The following RP2 variants were observed in gnomAD, a reference collection of about 807,000 sequenced individuals.
RP2 encodes protein XRP2.
Under a neutral mutation model 20.3 loss-of-function variants are expected in RP2, and 3 were observed. That is an observed-to-expected ratio of 0.15 (90% CI 0.07 to 0.38). RP2 has a LOEUF of 0.38. Ranked by LOEUF, RP2 falls within the 10% of genes least tolerant of loss-of-function variation. RP2 has a pLI of 1.00. For synonymous variants in RP2, 75 were observed against 94.8 expected (o/e 0.79, Z 1.22); for missense variants, 233 against 268.5 (o/e 0.87, Z 0.92).
intron 2 of RP2, among the ~76,000 whole-genome samples, chrX:46,857,731 A>G (rs1556319470): frequency 8.9e-6 from 1 of 112,165 alleles, no homozygotes; most frequent in East Asian, 2.8e-4. Flanking sequence ...TTTTCATGAA[A>G]AGGAGTCTCT....
chrX:46,850,188 C>T (rs1556317865), intron 1 of RP2, among the ~76,000 whole-genome samples: 1 of 112,420 alleles, frequency 8.9e-6, no homozygotes, highest in Non-Finnish European at 1.9e-5. Context: ...GGCTTACAGA[C>T]AGCTGCCTTC....
intron 3 of RP2, among the ~76,000 whole-genome samples, chrX:46,867,132 G>A (rs1036733622): frequency 1.6e-4 from 18 of 109,402 alleles, no homozygotes; most frequent in African/African-American, 6.0e-4. Context: ...AAGGAGTCTC[G>A]CTCTGTTGCC....
At chrX:46,859,519 A>G (rs1375400442) in intron 2 of RP2, among the ~76,000 whole-genome samples, 2 of 110,399 alleles carry the variant, frequency 1.8e-5, no homozygotes, top group African/African-American at 6.6e-5. Context: ...AAAAATAAAC[A>G]AATAAAAGTA....
chrX:46,856,015 T>TA (rs1240955463), intron 2 of RP2, among the ~76,000 whole-genome samples: 1 of 111,876 alleles, frequency 8.9e-6, no homozygotes, highest in Non-Finnish European at 1.9e-5. Context: ...GCCTATGTGA[T>TA]AAAAACATTC....
chrX:46,837,461 T>G (rs1924536171), intron 1 of RP2, among the ~76,000 whole-genome samples: 1 of 111,603 alleles, frequency 9.0e-6, no homozygotes, highest in South Asian at 3.7e-4. Flanking sequence ...CCCGGGAGCT[T>G]TCTCTGACTC....
intron 3 of RP2, among the ~76,000 whole-genome samples, chrX:46,869,319 A>G (rs1396363884): frequency 1.9e-5 from 2 of 106,277 alleles, no homozygotes; most frequent in Non-Finnish European, 3.9e-5. Flanking sequence ...TTTTTTTAAG[A>G]CGGAGTTTTG....
At chrX:46,837,639 C>CG (rs1410015631) in intron 1 of RP2, among the ~76,000 whole-genome samples, 2 of 111,835 alleles carry the variant, frequency 1.8e-5, no homozygotes, top group African/African-American at 3.2e-5. Flanking sequence ...TCATCTCTTC[C>CG]GGGGCTTAAT....
rs904620251 is a variant in RP2 at position 46,854,904 on chromosome X, A to G, written c.768+763A>G. 7.2e-5 allele frequency among the ~76,000 whole-genome samples: 8 copies of G among 110,390 alleles called. No homozygotes were observed. The Admixed American group carries it at 7.8e-4, about 11-fold the overall frequency. Reference sequence around the variant, plus strand: ...CTCAGCCTCCCAAGTAGCTGGAACTATAGGTGGGCGCCACCACACCCAGCT... The same window carrying G: ...CTCAGCCTCCCAAGTAGCTGGAACTGTAGGTGGGCGCCACCACACCCAGCT... On this transcript the variant is annotated intron_variant, in intron 2 of 4. Coordinates refer to ENST00000218340, the MANE Select transcript of RP2 (RefSeq NM_006915.3).
chrX:46,856,071 C>G (rs1556319174), intron 2 of RP2, among the ~76,000 whole-genome samples: 1 of 111,553 alleles, frequency 9.0e-6, no homozygotes. Context: ...GGCTTTTGAG[C>G]TATCTGATCA....
Position 46,871,268 on chromosome X carries a change from C to T in RP2, c.884-6237C>T, listed in dbSNP as rs373661003. Among the ~76,000 whole-genome samples, 94 of 109,243 alleles carry T rather than the reference C, an allele frequency of 8.6e-4. 1 individual carries two copies. In the South Asian group the frequency reaches 0.034, roughly 39 times the overall value. 94.9% of individuals were successfully genotyped at this position (109,243 alleles called of 115,157 possible). ...AACTCCTGACATCAGGTGATCTGCC[C>T]GCCTCAGCCTCCCAAAGTGCTGGGA... On this transcript the variant is annotated intron_variant, in intron 3 of 4. Coordinates refer to ENST00000218340, the MANE Select transcript of RP2 (RefSeq NM_006915.3).
At chrX:46,845,123 A>G (rs782167304) in intron 1 of RP2, among the ~76,000 whole-genome samples, 1 of 112,146 alleles carries the variant, frequency 8.9e-6, no homozygotes, top group South Asian at 3.7e-4. Flanking sequence ...AACTCAAACC[A>G]TAGTGTCACA....
At chrX:46,847,722 G>GTGTGTGTGTATATATACACACATATA (rs1924749019) in intron 1 of RP2, among the ~76,000 whole-genome samples, 1 of 73,530 alleles carries the variant, frequency 1.4e-5, no homozygotes, top group Non-Finnish European at 2.8e-5. Flanking sequence ...ACACATATAT[G>GTGTGTGTGTATATATACACACATATA]TGTGTGTGTA....
intron 1 of RP2, among the ~76,000 whole-genome samples, chrX:46,849,572 C>T (rs1924822615): frequency 9.0e-6 from 1 of 111,606 alleles, no homozygotes; most frequent in South Asian, 3.7e-4. Flanking sequence ...TTTTGAAAAA[C>T]TTTCAGGAAT....
chrX:46,872,245 G>T (rs1556326716), intron 3 of RP2, among the ~76,000 whole-genome samples: 2 of 112,149 alleles, frequency 1.8e-5, no homozygotes, highest in Non-Finnish European at 3.8e-5. Flanking sequence ...GCTTATCAAG[G>T]CTGTATATTT....
chrX:46,852,622 C>T (rs1924882047), intron 1 of RP2, among the ~76,000 whole-genome samples: 1 of 110,483 alleles, frequency 9.1e-6, no homozygotes, highest in African/African-American at 3.3e-5. Context: ...TCACTGTGTC[C>T]CCCAGGCTGG....
At chrX:46,870,851 CTA>C (rs1925278053) in intron 3 of RP2, among the ~76,000 whole-genome samples, 1 of 111,075 alleles carries the variant, frequency 9.0e-6, no homozygotes, top group Non-Finnish European at 1.9e-5. Context: ...TGAGGATTGA[CTA>C]TATCTGTTAT....
intron 2 of RP2, among the ~76,000 whole-genome samples, chrX:46,857,951 A>G (rs1556319507): frequency 8.9e-6 from 1 of 111,883 alleles, no homozygotes; most frequent in African/African-American, 3.2e-5. Flanking sequence ...TTTTAAATGT[A>G]TGTTTCTTTT....
chrX:46,877,307 A>G (rs1556327803), intron 3 of RP2, among the ~76,000 whole-genome samples, 198 bp from the exon 4 acceptor site: 1 of 112,431 alleles, frequency 8.9e-6, no homozygotes, highest in African/African-American at 3.2e-5. Context: ...GCTACTTGTT[A>G]TGAGACTGTG....
At chrX:46,855,008 C>T (rs1924932473) in intron 2 of RP2, among the ~76,000 whole-genome samples, 1 of 111,379 alleles carries the variant, frequency 9.0e-6, no homozygotes, top group Admixed American at 9.6e-5. Context: ...CCTCATGATC[C>T]ACCTGCCTAA....
Sources: allele counts gnomAD v4.1 joint callset (sites outside exome capture counted in the v4.1 genomes callset), GRCh38; gene constraint gnomAD v4.1.1; transcripts MANE v1.5; gene names NCBI Gene and HGNC (gene_info 2026-07-23, HGNC 2026-07-21).